The following CHEK1 variants were observed in gnomAD, a reference collection of about 807,000 sequenced individuals.
CHEK1 encodes the protein checkpoint kinase 1, also known as serine/threonine-protein kinase Chk1.
Under a neutral mutation model 60.2 loss-of-function variants are expected in CHEK1, and 32 were observed. The ratio of observed to expected loss-of-function variants is 0.53; its 90% CI spans 0.40 to 0.71. The LOEUF is 0.71. Ranked by LOEUF, CHEK1 falls within the 30% of genes least tolerant of loss-of-function variation. The pLI is 0.00. For missense variants in CHEK1, 399 were observed against 564.6 expected, an observed-to-expected ratio of 0.71 and a Z score of 2.97; for synonymous variants, 179 against 187.2, an observed-to-expected ratio of 0.96 and a Z score of 0.36.
At chr11:125,677,225 C>G (rs1942553842), downstream of CHEK1, among the ~76,000 whole-genome samples, 1 of 152,210 alleles carries the variant, frequency 6.6e-6, no homozygotes, top group Non-Finnish European at 1.5e-5. Flanking sequence ...CTGGTAATAA[C>G]TTGAGGCATC....
intron 13 of CHEK1, among the ~76,000 whole-genome samples, chr11:125,675,612 A>G (rs1942465352): frequency 6.6e-6 from 1 of 152,228 alleles, no homozygotes; most frequent in Non-Finnish European, 1.5e-5. Flanking sequence ...AGGTGTGGGA[A>G]TATACTCAGA....
At chr11:125,675,742 T>C (rs539796211) in intron 13 of CHEK1, among the ~76,000 whole-genome samples, 17 of 152,136 alleles carry the variant, frequency 1.1e-4, no homozygotes, top group Non-Finnish European at 2.5e-4. Flanking sequence ...AATATATAGC[T>C]ATAGCTTACA....
downstream of CHEK1, among the ~76,000 whole-genome samples, chr11:125,680,081 T>C (rs891158737): frequency 1.4e-4 from 21 of 152,212 alleles, no homozygotes; most frequent in African/African-American, 5.1e-4. Context: ...TGAGTCAACT[T>C]TTGAAGGTCT....
chr11:125,659,030 G>A (rs932702950), downstream of CHEK1, among the ~76,000 whole-genome samples: 1 of 151,930 alleles, frequency 6.6e-6, no homozygotes, highest in African/African-American at 2.4e-5. Context: ...ATCTGAAATT[G>A]GCTTTTGTGT....
intron 13 of CHEK1, among the ~76,000 whole-genome samples, chr11:125,670,593 A>C (rs1407976591): frequency 6.6e-6 from 1 of 152,080 alleles, no homozygotes; most frequent in Non-Finnish European, 1.5e-5. Context: ...CAGTGACCAG[A>C]CAATAATTTG....
At chr11:125,679,216 C>CTTTTTTTT (rs71045115), downstream of CHEK1, among the ~76,000 whole-genome samples, 75 of 121,038 alleles carry the variant, frequency 6.2e-4, 6 homozygotes, top group South Asian at 1.7e-3. Context: ...CCGTCTCTTT[C>CTTTTTTTT]TTTTTTTTTT....
rs754338984 is a variant in CHEK1 at position 125,627,830 on chromosome 11, G to T, written c.289G>T (p.Glu97Ter). Residue 97 changes from glutamate (E) to a stop codon, truncating the protein, a stop_gained and splice_region_variant, in exon 3 of 13, where the codon GAG (glutamate) becomes TAG (stop). Coordinates refer to ENST00000438015, the MANE Select transcript of CHEK1 (RefSeq NM_001114122.3). LOFTEE classifies it high-confidence loss of function. The stretch of plus-strand genomic sequence containing the variant: ...TGGAGGAGAGCTTTTTGACAGAATA[G>T]GTATGGAAGAAATTTAAGATAATTA... ...CSGGELFDRI[E>*]PDIGMPEPDA... The T allele has an allele frequency of 1.1e-5, 17 of 1,530,804 alleles. No homozygotes were observed. Among genetic ancestry groups the T allele is most frequent in the Non-Finnish European group, 8.8e-7 (1 of 1,139,088 alleles). 94.8% of individuals were successfully genotyped at this position (1,530,804 alleles called of 1,614,324 possible).
At chr11:125,676,094 G>A in exon 14 of CHEK1, 1 of 333,274 alleles carries the variant, frequency 3.0e-6, no homozygotes, top group Non-Finnish European at 5.7e-6. Flanking sequence ...TTTTAGTAGA[G>A]ATGGGGTTTT....
At chr11:125,669,208 T>G (rs533817509) in intron 13 of CHEK1, among the ~76,000 whole-genome samples, 87 of 152,370 alleles carry the variant, frequency 5.7e-4, no homozygotes, top group African/African-American at 2.0e-3. Flanking sequence ...TGAAGTTCTT[T>G]TAGCTTGTGT....
chr11:125,633,032 CTTATT>C (rs1020385870), intron 5 of CHEK1, 126 bp from the exon 6 acceptor site: 5 of 701,996 alleles, frequency 7.1e-6, no homozygotes, highest in South Asian at 2.4e-5. Context: ...GTCTATTTTG[CTTATT>C]TTAAGAGAAG....
intron 2 of CHEK1, among the ~76,000 whole-genome samples, chr11:125,627,062 G>T (rs1940646325): frequency 6.6e-6 from 1 of 152,154 alleles, no homozygotes; most frequent in Admixed American, 6.5e-5. Context: ...CCCACAAATT[G>T]CTTCTCAGGG....
intron 7 of CHEK1, chr11:125,636,169 A>G (rs1941068392): frequency 6.6e-6 from 1 of 152,192 alleles, no homozygotes; most frequent in South Asian, 2.1e-4. Context: ...AAGTATGTAA[A>G]ATGAATATAT....
downstream of CHEK1, among the ~76,000 whole-genome samples, chr11:125,679,922 A>G (rs1358236893): frequency 6.6e-6 from 1 of 152,222 alleles, no homozygotes; most frequent in Non-Finnish European, 1.5e-5. Flanking sequence ...CTGGTTTTTC[A>G]ATAATTAACA....
At chr11:125,672,730 G>A (rs777528729) in intron 13 of CHEK1, 4 of 1,613,722 alleles carry the variant, frequency 2.5e-6, no homozygotes, top group Non-Finnish European at 3.4e-6. Context: ...GAAAGGAGCA[G>A]AGACAGACTA....
intron 13 of CHEK1, among the ~76,000 whole-genome samples, chr11:125,665,266 T>C (rs1463910614): frequency 2.6e-5 from 4 of 151,196 alleles, no homozygotes; most frequent in Non-Finnish European, 3.0e-5. Context: ...ATTCTATTGA[T>C]GTTGATATGT....
At position 125,625,633 on chromosome 11, in the gene CHEK1, A is replaced by C; in HGVS notation, c.-400A>C. The C allele has an allele frequency of 1.7e-6, 1 of 596,444 alleles. No individual in the cohort carries two copies. The highest frequency in any genetic ancestry group is 2.0e-5 in the South Asian group (1 of 50,104). 36.9% of individuals were successfully genotyped at this position (596,444 alleles called of 1,614,324 possible). On this transcript the variant is annotated 5_prime_UTR_variant, in exon 1 of 13. Coordinates refer to ENST00000438015, the MANE Select transcript of CHEK1 (RefSeq NM_001114122.3). Reference sequence around the variant, plus strand: ...AGCCCGCAGCCCCGCCTGGAAGCGCAGCGCGGTCGGTCGCGCGCCCCTGAG... The same window carrying C: ...AGCCCGCAGCCCCGCCTGGAAGCGCCGCGCGGTCGGTCGCGCGCCCCTGAG...
chr11:125,636,730 T>C (rs1205391747), intron 7 of CHEK1, among the ~76,000 whole-genome samples: 2 of 152,042 alleles, frequency 1.3e-5, no homozygotes, highest in African/African-American at 4.8e-5. Flanking sequence ...CTTTTTTTTT[T>C]CCTTGATAAC....
intron 11 of CHEK1, among the ~76,000 whole-genome samples, chr11:125,652,991 C>G (rs954241156): frequency 6.6e-6 from 1 of 152,110 alleles, no homozygotes; most frequent in Non-Finnish European, 1.5e-5. Context: ...ACTCTAGTAT[C>G]CTCTGTTCTG....
chr11:125,665,812 C>T (rs1477254374), intron 13 of CHEK1, among the ~76,000 whole-genome samples: 1 of 148,276 alleles, frequency 6.7e-6, no homozygotes, highest in Non-Finnish European at 1.5e-5. Context: ...TTCTGTGGTA[C>T]CAGTTGTCAT....
Sources: gnomAD v4.1 joint callset for allele counts (sites outside exome capture counted in the v4.1 genomes callset) on GRCh38, gnomAD v4.1.1 for gene constraint, MANE v1.5 for transcripts, NCBI Gene and HGNC (gene_info 2026-07-23, HGNC 2026-07-21) for gene names.